UVRAG: variants seen among roughly 807,000 people sequenced by gnomAD.
UVRAG encodes the protein UV radiation resistance-associated gene protein.
Under a neutral mutation model 78.0 loss-of-function variants are expected in UVRAG, and 19 were observed. That is an observed-to-expected ratio of 0.24 (90% confidence interval 0.17 to 0.36). The LOEUF is 0.36. Among genes scored for constraint, UVRAG ranks in the 10% least tolerant of loss-of-function variants. The probability of loss-of-function intolerance (pLI) is 1.00; values close to 1 mark genes in which losing one functional copy is unlikely to be tolerated. For synonymous variants in UVRAG, 323 were observed against 324.6 expected (o/e 1.00, Z 0.05); for missense variants, 740 against 853.8 (o/e 0.87, Z 1.66).
intron 4 of UVRAG, among the ~76,000 whole-genome samples, chr11:75,885,602 GT>G (rs889838597): frequency 2.0e-5 from 3 of 152,038 alleles, no homozygotes; most frequent in African/African-American, 7.2e-5. Context: ...AAAGTATGCT[GT>G]TTTTCGTAAA....
rs540926461 is a variant in UVRAG at position 75,829,432 on chromosome 11, T to C, written c.117+13908T>C. Among the ~76,000 whole-genome samples, 5 of 152,380 alleles carry C rather than the reference T, an allele frequency of 3.3e-5. No homozygotes were observed. The South Asian group carries it at 1.0e-3, about 32-fold the overall frequency. ...AGGTATCCTGTAAAGATCAGTGTAA[T>C]TGAAAGACTTTCTTAACTATGACCC... On this transcript the variant is annotated intron_variant, in intron 1 of 14. Transcript: ENST00000356136.
chr11:75,979,016 T>G (rs1949323570), intron 7 of UVRAG, among the ~76,000 whole-genome samples: 1 of 152,230 alleles, frequency 6.6e-6, no homozygotes, highest in Non-Finnish European at 1.5e-5. Flanking sequence ...TTTATCTACC[T>G]TTGGTCTTCG....
Position 75,881,793 on chromosome 11 carries a change from G to T in UVRAG, c.432+1753G>T, listed in dbSNP as rs529582730. ...ATTGTAAATGAAATGAAACCTATTT[G>T]CTATCATCAGATATAGATTATTATA... On this transcript the variant is annotated intron_variant, in intron 4 of 14. Coordinates refer to ENST00000356136, the MANE Select transcript of UVRAG (RefSeq NM_003369.4). Among the ~76,000 whole-genome samples the T allele has an allele frequency of 5.3e-5, 8 of 152,262 alleles. No individual in the cohort carries two copies. The East Asian group carries it at 1.2e-3, about 22-fold the overall frequency.
chr11:75,880,051 G>T lies in UVRAG; in HGVS notation c.432+11G>T. 1 of 1,613,512 alleles carries T rather than the reference G, an allele frequency of 6.2e-7. No individual in the cohort carries two copies. The highest frequency in any genetic ancestry group is 1.1e-5 in the South Asian group (1 of 91,002). ...TACTTGGGTCAGCAGGTAATTTTTA[G>T]ACTGTAGTTTCAAGTAGTTGTCATC... On this transcript the variant is annotated intron_variant, in intron 4 of 14. Coordinates refer to ENST00000356136, the MANE Select transcript of UVRAG (RefSeq NM_003369.4).
At position 76,140,894 on chromosome 11, in the gene UVRAG, A is replaced by G. The variant is rs1462000471; in HGVS notation, c.1581A>G (p.Leu527=). The G allele has an allele frequency of 6.2e-7, 1 of 1,614,152 alleles. No individual in the cohort carries two copies. Among genetic ancestry groups the G allele is most frequent in the Non-Finnish European group, 8.5e-7 (1 of 1,180,018 alleles). The change falls in exon 15 of 15, where the codon TTA becomes TTG. Residue 527 remains leucine (L), a synonymous_variant. Coordinates refer to ENST00000356136, the MANE Select transcript of UVRAG (RefSeq NM_003369.4). ...CTCCTCCCAGTTACAACTCAGCATTAGCCCAGCCTGTGACCACCGTCCCCT... is the reference window on the plus strand; with the variant it reads ...CTCCTCCCAGTTACAACTCAGCATTGGCCCAGCCTGTGACCACCGTCCCCT... ...KTPPPSYNSA[L]AQPVTTVPSM...
At chr11:75,833,043 T>A (rs1010619164) in intron 1 of UVRAG, among the ~76,000 whole-genome samples, 2 of 152,190 alleles carry the variant, frequency 1.3e-5, no homozygotes, top group Admixed American at 6.5e-5. Context: ...ATGCCGTGAT[T>A]TGGAATTTGG....
At chr11:76,137,762 G>A in intron 14 of UVRAG, 1 of 312,370 alleles carries the variant, frequency 3.2e-6, no homozygotes, top group South Asian at 2.9e-5. Flanking sequence ...AAAAACATTA[G>A]CCGGGCATCG....
intron 12 of UVRAG, among the ~76,000 whole-genome samples, chr11:76,051,745 A>T (rs1436047404): frequency 1.3e-5 from 2 of 152,046 alleles, no homozygotes; most frequent in Non-Finnish European, 2.9e-5. Context: ...CTTTGGGGTG[A>T]TATTTTATTT....
rs185388034 is a variant in UVRAG at position 75,883,711 on chromosome 11, C to T, written c.432+3671C>T. 4.3e-3 allele frequency among the ~76,000 whole-genome samples: 647 copies of T among 152,186 alleles called. 3 individuals carry two copies. Among genetic ancestry groups the T allele is most frequent in the Non-Finnish European group, 4.6e-3 (311 of 68,012 alleles). ...TACCTTCATAGAGAGCTGTGAGAGT[C>T]GTACGGGGAAGAGATATTTAGACCA... On this transcript the variant is annotated intron_variant, in intron 4 of 14. Coordinates refer to ENST00000356136, the MANE Select transcript of UVRAG (RefSeq NM_003369.4).
intron 7 of UVRAG, among the ~76,000 whole-genome samples, chr11:75,974,626 A>G (rs1949197368): frequency 6.6e-6 from 1 of 151,544 alleles, no homozygotes; most frequent in Non-Finnish European, 1.5e-5. Flanking sequence ...TCGGCCTCCC[A>G]AAGTGCTGGG....
rs527398526 is a variant in UVRAG at position 75,851,021 on chromosome 11, A to C, written c.118-862A>C. On this transcript the variant is annotated intron_variant, in intron 1 of 14. Coordinates refer to ENST00000356136, the MANE Select transcript of UVRAG (RefSeq NM_003369.4). ...GCTTTCAGCCTGCGGGAGAGCTTTA[A>C]GCACATTTTAAGTGTGAGCACTTGG... 2.0e-4 allele frequency among the ~76,000 whole-genome samples: 30 copies of C among 152,326 alleles called. No individual in the cohort carries two copies. In the South Asian group the frequency reaches 6.0e-3, roughly 31 times the overall value.
intron 12 of UVRAG, among the ~76,000 whole-genome samples, chr11:76,025,071 TTGTC>T (rs376883617): frequency 1.5e-4 from 23 of 152,196 alleles, no homozygotes; most frequent in Admixed American, 3.9e-4. Flanking sequence ...TTTCTTTTCT[TTGTC>T]TGGCCAGTTT....
At chr11:76,036,779 C>A (rs1950543852) in intron 12 of UVRAG, among the ~76,000 whole-genome samples, 2 of 150,468 alleles carry the variant, frequency 1.3e-5, no homozygotes, top group South Asian at 4.2e-4. Context: ...AAAGGAGACA[C>A]ATGTGCCACA....
intron 6 of UVRAG, among the ~76,000 whole-genome samples, chr11:75,923,165 A>G (rs1460179670): frequency 6.6e-6 from 1 of 151,378 alleles, no homozygotes; most frequent in African/African-American, 2.4e-5. Context: ...TTATTCACTT[A>G]ATGCTTTTGT....
chr11:76,130,003 T>C (rs901563730), intron 14 of UVRAG, among the ~76,000 whole-genome samples: 2 of 152,216 alleles, frequency 1.3e-5, no homozygotes, highest in East Asian at 3.8e-4. Flanking sequence ...TTGTGGCTTC[T>C]GCATGGTCCA....
At chr11:76,100,850 A>G (rs1426602917) in intron 13 of UVRAG, among the ~76,000 whole-genome samples, 1 of 152,140 alleles carries the variant, frequency 6.6e-6, no homozygotes, top group East Asian at 1.9e-4. Context: ...GCAAGTGAGA[A>G]CATGTGGTAT....
intron 1 of UVRAG, among the ~76,000 whole-genome samples, chr11:75,828,764 T>G (rs1328958400): frequency 2.7e-4 from 31 of 112,738 alleles, no homozygotes; most frequent in African/African-American, 1.1e-3. Context: ...CATATATATA[T>G]ATATATATAT....
chr11:75,848,333 G>T (rs1946080084), intron 1 of UVRAG, among the ~76,000 whole-genome samples: 2 of 152,296 alleles, frequency 1.3e-5, no homozygotes, highest in South Asian at 4.1e-4. Context: ...AGGGCAAAAA[G>T]TCATACAGCC....
At position 76,107,280 on chromosome 11, in the gene UVRAG, C is replaced by CCTTTT. The variant is rs1408913231; in HGVS notation, c.1306-8642_1306-8641insTTTCT. ...GCAACATATGATATAAAGAAAAGAG[C>CCTTTT]CTGTAAGGGTAGAACTTGGCAGACT... is the stretch of plus-strand genomic sequence containing the variant. On this transcript the variant is annotated intron_variant, in intron 13 of 14. Coordinates refer to ENST00000356136, the MANE Select transcript of UVRAG (RefSeq NM_003369.4). Among the ~76,000 whole-genome samples the CCTTTT allele has an allele frequency of 5.6e-4, 85 of 152,150 alleles. 1 individual carries two copies. The highest frequency in any genetic ancestry group is 1.1e-3 in the Non-Finnish European group (73 of 68,030).
Sources: gnomAD v4.1 joint callset for allele counts (sites outside exome capture counted in the v4.1 genomes callset) on GRCh38, gnomAD v4.1.1 for gene constraint, MANE v1.5 for transcripts, NCBI Gene and HGNC (gene_info 2026-07-23, HGNC 2026-07-21) for gene names.